KIRREL3: variants seen among roughly 807,000 people sequenced by gnomAD.
KIRREL3 encodes kin of IRRE-like protein 3.
In KIRREL3, 36 loss-of-function variants were observed where a neutral mutation model predicts 89.7. The observed-to-expected ratio is 0.40, with a 90% confidence interval of 0.31 to 0.53. KIRREL3 has a LOEUF of 0.53. KIRREL3 is among the 20% of genes least tolerant of loss of function. KIRREL3 has a pLI of 0.49. For synonymous variants in KIRREL3, 445 were observed against 441.4 expected (o/e 1.01, Z -0.10); for missense variants, 864 against 1,056.6 (o/e 0.82, Z 2.53).
At chr11:126,504,300 C>A (rs1407778783) in intron 4 of KIRREL3, among the ~76,000 whole-genome samples, 1 of 152,164 alleles carries the variant, frequency 6.6e-6, no homozygotes, top group African/African-American at 2.4e-5. Context: ...CCCTTGTCCT[C>A]TTATGGTCTC....
chr11:126,554,544 A>T (rs541010414), intron 2 of KIRREL3, among the ~76,000 whole-genome samples: 5 of 152,266 alleles, frequency 3.3e-5, no homozygotes, highest in African/African-American at 1.2e-4. Context: ...TATGATTGTC[A>T]AATTATCCAG....
At position 126,606,186 on chromosome 11, in the gene KIRREL3, A is replaced by C. The variant is rs1439850235; in HGVS notation, c.56-43274T>G. Among the ~76,000 whole-genome samples the C allele has an allele frequency of 6.6e-6, 1 of 152,206 alleles. No individual in the cohort carries two copies. Among genetic ancestry groups the C allele is most frequent in the Non-Finnish European group, 1.5e-5 (1 of 68,040 alleles). ...GCTCTTAGCAGGCACCCAGCATCTA[A>C]AGCACTCAAATCAGAGTCACTAGTA... On this transcript the variant is annotated intron_variant, in intron 1 of 16. Transcript: ENST00000525144. This position sits in a 1 kb window ranked among gnomAD's most constrained non-coding sequence, Gnocchi z 4.6.
chr11:126,467,965 C>T (rs1217335700), intron 5 of KIRREL3, among the ~76,000 whole-genome samples: 4 of 152,164 alleles, frequency 2.6e-5, no homozygotes, highest in East Asian at 1.9e-4. Flanking sequence ...TATCCCTTTC[C>T]TGAGTGGGGT....
intron 5 of KIRREL3, among the ~76,000 whole-genome samples, chr11:126,465,101 G>C (rs960491471): frequency 6.6e-6 from 1 of 152,086 alleles, no homozygotes; most frequent in Non-Finnish European, 1.5e-5. Flanking sequence ...TTCCAGGTTG[G>C]GATTGGGGTC....
At position 126,981,188 on chromosome 11, in the gene KIRREL3, A is replaced by G. The variant is rs1348175198; in HGVS notation, c.55+19267T>C. 6.6e-6 allele frequency among the ~76,000 whole-genome samples: 1 copy of G among 152,234 alleles called. No homozygotes were observed. Among genetic ancestry groups the G allele is most frequent in the Non-Finnish European group, 1.5e-5 (1 of 68,036 alleles). ...AAACTGTCACCTGGATTTTTAGACA[A>G]AAGAAGGAAAGCATGGCCCGTTGGA... On this transcript the variant is annotated intron_variant, in intron 1 of 16. Transcript: ENST00000525144. This position sits in a 1 kb window ranked among gnomAD's most constrained non-coding sequence, Gnocchi z 4.2.
intron 1 of KIRREL3, among the ~76,000 whole-genome samples, chr11:126,822,922 T>A (rs1283626044): frequency 6.6e-6 from 1 of 152,090 alleles, no homozygotes; most frequent in Non-Finnish European, 1.5e-5. Flanking sequence ...ATACTATAGG[T>A]CAAAGCAGTC....
chr11:126,581,132 C>T (rs947315393), intron 1 of KIRREL3, among the ~76,000 whole-genome samples: 1 of 151,932 alleles, frequency 6.6e-6, no homozygotes, highest in Non-Finnish European at 1.5e-5. Flanking sequence ...AGCTCTGGGG[C>T]CTCCTCTCAT....
In KIRREL3 at chr11:126,860,133, G is replaced by A. The variant is rs1458769146; in HGVS notation, c.55+140322C>T. On this transcript the variant is annotated intron_variant, in intron 1 of 16. Transcript: ENST00000525144. The surrounding 1 kb of genome is among the most constrained non-coding windows in gnomAD (Gnocchi z 4.6). ...GTAAGGAGGATAAGGAGAGAAAGAG[G>A]GAGGATGATATTGGAATTAATTTCA... Among the ~76,000 whole-genome samples, 1 of 152,124 alleles carries A rather than the reference G, an allele frequency of 6.6e-6. No individual in the cohort carries two copies. Among genetic ancestry groups the A allele is most frequent in the African/African-American group, 2.4e-5 (1 of 41,424 alleles).
rs879894879 is a variant in KIRREL3, at chr11:126,771,441, T to C, written c.56-208529A>G. Among the ~76,000 whole-genome samples the C allele has an allele frequency of 2.0e-5, 3 of 152,238 alleles. No homozygotes were observed. Among genetic ancestry groups the C allele is most frequent in the Non-Finnish European group, 4.4e-5 (3 of 68,044 alleles). On this transcript the variant is annotated intron_variant, in intron 1 of 16. Transcript: ENST00000525144. The surrounding 1 kb of genome is among the most constrained non-coding windows in gnomAD (Gnocchi z 4.4). ...ATCTCCTTCATGGTATTTAAAGCTG[T>C]TATTAATTATCCATTTATCTGATAA...
At chr11:126,889,982 T>C (rs990888315) in intron 1 of KIRREL3, among the ~76,000 whole-genome samples, 2 of 152,208 alleles carry the variant, frequency 1.3e-5, no homozygotes, top group African/African-American at 2.4e-5. Context: ...AGCCTCTAAT[T>C]GCATTCACTG....
chr11:126,626,719 G>A (rs1035319004), intron 1 of KIRREL3, among the ~76,000 whole-genome samples: 6 of 152,174 alleles, frequency 3.9e-5, no homozygotes, highest in Admixed American at 3.3e-4. Context: ...TTGGCTGGGC[G>A]CGGTGGCTCA....
Position 126,606,722 on chromosome 11 carries a change from T to C in KIRREL3, c.56-43810A>G, listed in dbSNP as rs986832115. ...GGGGAGAGACCCAGGGGAGGGATCA[T>C]GCTTAACATTCTTGGGACATTCTCC... On this transcript the variant is annotated intron_variant, in intron 1 of 16. Transcript: ENST00000525144. This position sits in a 1 kb window ranked among gnomAD's most constrained non-coding sequence, Gnocchi z 4.6. Among the ~76,000 whole-genome samples, 2 of 152,210 alleles carry C rather than the reference T, an allele frequency of 1.3e-5. No individual in the cohort carries two copies. Among genetic ancestry groups the C allele is most frequent in the African/African-American group, 4.8e-5 (2 of 41,446 alleles).
rs184103298 is a variant in KIRREL3 at position 126,795,183 on chromosome 11, C to T, written c.55+205272G>A. 6.6e-6 allele frequency among the ~76,000 whole-genome samples: 1 copy of T among 152,186 alleles called. No individual in the cohort carries two copies. The highest frequency in any genetic ancestry group is 1.9e-4 in the East Asian group (1 of 5,186). ...TGGATACATGTCATCACACATTTGG[C>T]CAAGCCCATAGAGTGTACAGCATAC... On this transcript the variant is annotated intron_variant, in intron 1 of 16. Coordinates refer to ENST00000525144, the MANE Select transcript of KIRREL3 (RefSeq NM_032531.4). This position sits in a 1 kb window ranked among gnomAD's most constrained non-coding sequence, Gnocchi z 4.1.
intron 1 of KIRREL3, among the ~76,000 whole-genome samples, chr11:126,584,995 T>C (rs954129986): frequency 1.1e-4 from 16 of 151,904 alleles, no homozygotes; most frequent in South Asian, 2.1e-4. Flanking sequence ...CTCGGCTCAC[T>C]GCAAGCTCCG....
intron 1 of KIRREL3, among the ~76,000 whole-genome samples, chr11:126,973,932 C>A (rs1326464238): frequency 6.6e-6 from 1 of 152,098 alleles, no homozygotes; most frequent in Admixed American, 6.6e-5. Flanking sequence ...GTGGTACTTG[C>A]ATTTTCTCTC....
Position 126,475,675 on chromosome 11 carries a change from G to C in KIRREL3, c.434-2209C>G, listed in dbSNP as rs973998760. 6.6e-6 allele frequency among the ~76,000 whole-genome samples: 1 copy of C among 152,136 alleles called. No individual in the cohort carries two copies. ...CATGAATGGGATGGATGGAGAAGAC[G>C]ACCCCCCAGCCGCCCACCCCACACC... On this transcript the variant is annotated intron_variant, in intron 4 of 16. Coordinates refer to ENST00000525144, the MANE Select transcript of KIRREL3 (RefSeq NM_032531.4). This position sits in a 1 kb window ranked among gnomAD's most constrained non-coding sequence, Gnocchi z 7.5.
In KIRREL3 at chr11:126,782,629, G is replaced by A. The variant is rs557710321; in HGVS notation, c.55+217826C>T. Among the ~76,000 whole-genome samples, 5 of 152,294 alleles carry A rather than the reference G, an allele frequency of 3.3e-5. No homozygotes were observed. Among genetic ancestry groups the A allele is most frequent in the South Asian group, 2.1e-4 (1 of 4,824 alleles). On this transcript the variant is annotated intron_variant, in intron 1 of 16. Coordinates refer to ENST00000525144, the MANE Select transcript of KIRREL3 (RefSeq NM_032531.4). This position sits in a 1 kb window ranked among gnomAD's most constrained non-coding sequence, Gnocchi z 4.1. ...GGATGGCAGATGGTGGGAGCCAGGC[G>A]TTTCACTGTTGGAGTGGGAGGTTAC...
At chr11:126,834,984 T>C (rs1943731119) in intron 1 of KIRREL3, among the ~76,000 whole-genome samples, 1 of 152,198 alleles carries the variant, frequency 6.6e-6, no homozygotes, top group Non-Finnish European at 1.5e-5. Flanking sequence ...GTGCCTCCAG[T>C]TGTGTGTTTT....
chr11:126,814,174 T>G lies in KIRREL3; in HGVS notation c.55+186281A>C, dbSNP rs1951484274. ...AAAAAAAGCTTAACATCACTGATCATTAGATAAATGCAAATAAAAACCACA... is the reference window on the plus strand; with the variant it reads ...AAAAAAAGCTTAACATCACTGATCAGTAGATAAATGCAAATAAAAACCACA... On this transcript the variant is annotated intron_variant, in intron 1 of 16. Transcript: ENST00000525144. The surrounding 1 kb of genome is among the most constrained non-coding windows in gnomAD (Gnocchi z 4.4). Among the ~76,000 whole-genome samples the G allele has an allele frequency of 6.6e-6, 1 of 151,774 alleles. No homozygotes were observed. Among genetic ancestry groups the G allele is most frequent in the Non-Finnish European group, 1.5e-5 (1 of 67,970 alleles).
Sources: gnomAD v4.1 joint callset for allele counts (sites outside exome capture counted in the v4.1 genomes callset) on GRCh38, gnomAD v4.1.1 for gene constraint, Gnocchi (gnomAD v3.1) non-coding constraint, MANE v1.5 for transcripts, NCBI Gene and HGNC (gene_info 2026-07-23, HGNC 2026-07-21) for gene names.